The following DYRK1A variants were observed in gnomAD, a reference collection of about 807,000 sequenced individuals.
DYRK1A encodes dual specificity tyrosine phosphorylation regulated kinase 1A.
A neutral mutation model predicts 79.7 loss-of-function variants in DYRK1A; 9 were observed. That is an observed-to-expected ratio of 0.11 (90% CI 0.07 to 0.20). DYRK1A has a LOEUF of 0.20. Among genes scored for constraint, DYRK1A ranks in the 10% least tolerant of loss-of-function variants. The pLI, the probability that DYRK1A is intolerant of heterozygous loss-of-function variation, is 1.00. For missense variants in DYRK1A, 622 were observed against 956.0 expected (o/e 0.65, Z 4.61); for synonymous variants, 349 against 329.7 (o/e 1.06, Z -0.63).
chr21:37,439,783 A>G (rs1218626365), intron 2 of DYRK1A, among the ~76,000 whole-genome samples: 1 of 152,174 alleles, frequency 6.6e-6, no homozygotes, highest in Admixed American at 6.5e-5. Flanking sequence ...TTTCTAGTTA[A>G]TGAAAGTTTG....
chr21:37,398,078 T>C (rs867517780), intron 1 of DYRK1A, among the ~76,000 whole-genome samples: 5 of 102,286 alleles, frequency 4.9e-5, no homozygotes, highest in South Asian at 2.9e-4. Flanking sequence ...AAAAAAAAAA[T>C]ATATATATAT....
At chr21:37,402,831 C>T (rs755571935) in intron 1 of DYRK1A, among the ~76,000 whole-genome samples, 3 of 152,054 alleles carry the variant, frequency 2.0e-5, no homozygotes, top group Non-Finnish European at 4.4e-5. Flanking sequence ...GGTGCCATCT[C>T]GGCTCACTGC....
intron 1 of DYRK1A, among the ~76,000 whole-genome samples, chr21:37,383,518 A>T (rs889812464): frequency 6.6e-6 from 1 of 152,256 alleles, no homozygotes; most frequent in Non-Finnish European, 1.5e-5. Context: ...GATAATTCCA[A>T]GGAACTCTCC....
intron 1 of DYRK1A, among the ~76,000 whole-genome samples, chr21:37,406,759 A>ATATATCTC (rs1569297343): frequency 1.5e-5 from 2 of 133,198 alleles, no homozygotes; most frequent in Non-Finnish European, 3.1e-5. Flanking sequence ...CTATATATCT[A>ATATATCTC]TATATGTATA....
intron 1 of DYRK1A, among the ~76,000 whole-genome samples, chr21:37,396,044 C>T (rs2049954466): frequency 6.6e-6 from 1 of 152,290 alleles, no homozygotes; most frequent in South Asian, 2.1e-4. Context: ...GGGAGTGATT[C>T]CTGGCCCCAT....
chr21:37,443,470 G>T (rs535794825), intron 2 of DYRK1A, among the ~76,000 whole-genome samples: 1 of 152,172 alleles, frequency 6.6e-6, no homozygotes, highest in Non-Finnish European at 1.5e-5. Context: ...TTTTCACTTT[G>T]TCGGGTGCCG....
intron 4 of DYRK1A, among the ~76,000 whole-genome samples, chr21:37,479,918 C>T (rs1006829755): frequency 4.3e-4 from 66 of 151,990 alleles, no homozygotes; most frequent in Non-Finnish European, 6.6e-4. Flanking sequence ...TGAGCCACCG[C>T]GCCTGGCCCA....
In DYRK1A at chr21:37,496,170, T is replaced by C; in HGVS notation, c.1124T>C (p.Ile375Thr). The C allele has an allele frequency of 6.2e-7, 1 of 1,614,120 alleles. No individual in the cohort carries two copies. The highest frequency in any genetic ancestry group is 8.5e-7 in the Non-Finnish European group (1 of 1,179,988). ...VEVLGIPPAHILDQAPKARKF... is the reference protein window; with the variant it reads ...VEVLGIPPAHTLDQAPKARKF... ...GTTCTGGGTATTCCACCTGCTCATA[T>C]TCTTGACCAAGCACCAAAAGCAAGA... The change falls in exon 9 of 12, where the codon ATT (isoleucine) becomes ACT (threonine). Residue 375 changes from isoleucine (I) to threonine (T), a missense_variant. Physicochemically the swap from Ile to Thr is moderately conservative, Grantham distance 89. Coordinates refer to ENST00000647188, the MANE Select transcript of DYRK1A (RefSeq NM_001347721.2).
intron 1 of DYRK1A, among the ~76,000 whole-genome samples, chr21:37,368,734 C>G (rs2049369363): frequency 6.6e-6 from 1 of 152,126 alleles, no homozygotes; most frequent in Non-Finnish European, 1.5e-5. Flanking sequence ...GGTCATACAG[C>G]TGGGACTCCA....
intron 1 of DYRK1A, among the ~76,000 whole-genome samples, chr21:37,385,677 C>G (rs571680005): frequency 6.6e-6 from 1 of 152,306 alleles, no homozygotes; most frequent in Non-Finnish European, 1.5e-5. Context: ...CATCAAAGTT[C>G]TCTGAGCTTT....
chr21:37,505,053 C>A, intron 9 of DYRK1A: 1 of 499,302 alleles, frequency 2.0e-6, no homozygotes, highest in Non-Finnish European at 3.5e-6. Context: ...GTTTACTGAC[C>A]CCTGGGCTAA....
At chr21:37,406,803 TTA>T (rs563107686) in intron 1 of DYRK1A, among the ~76,000 whole-genome samples, 1 of 147,546 alleles carries the variant, frequency 6.8e-6, no homozygotes, top group Non-Finnish European at 1.5e-5. Flanking sequence ...ATGTATATAA[TTA>T]TATATATCTA....
At chr21:37,448,847 C>G (rs1012492617) in intron 2 of DYRK1A, among the ~76,000 whole-genome samples, 3 of 152,102 alleles carry the variant, frequency 2.0e-5, no homozygotes, top group Non-Finnish European at 4.4e-5. Flanking sequence ...TAGGCACATG[C>G]CACCATGCCT....
chr21:37,509,985 C>T (rs931146633), intron 11 of DYRK1A, among the ~76,000 whole-genome samples: 2 of 152,298 alleles, frequency 1.3e-5, no homozygotes, highest in African/African-American at 4.8e-5. Flanking sequence ...CATGTCCACA[C>T]AGTAGATAAG....
chr21:37,456,851 A>C (rs910896935), intron 2 of DYRK1A, among the ~76,000 whole-genome samples: 10 of 152,126 alleles, frequency 6.6e-5, no homozygotes, highest in African/African-American at 2.4e-4. Flanking sequence ...GTTGGCATAG[A>C]ATAAGAGTTC....
At position 37,367,497 on chromosome 21, in the gene DYRK1A, G is replaced by A. The variant is rs1455798797; in HGVS notation, c.-208G>A. Reference sequence around the variant, plus strand: ...TGAGCAGGCTGCGGCGCGGCCAGGAGCCGGAGCGCCGGGGGCGGAGAGAGG... The same window carrying A: ...TGAGCAGGCTGCGGCGCGGCCAGGAACCGGAGCGCCGGGGGCGGAGAGAGG... On this transcript the variant is annotated 5_prime_UTR_variant, in exon 1 of 12. Transcript: ENST00000647188. 6.7e-6 allele frequency: 1 copy of A among 148,722 alleles called. No homozygotes were observed. Among genetic ancestry groups the A allele is most frequent in the Non-Finnish European group, 1.5e-5 (1 of 66,742 alleles). The allele number at this position is 148,722 out of a possible 1,614,324, so 9.2% of individuals were successfully genotyped here.
chr21:37,496,067 G>GT, intron 8 of DYRK1A, 51 bp from the exon 9 acceptor site: 4 of 1,559,446 alleles, frequency 2.6e-6, no homozygotes, highest in Non-Finnish European at 3.5e-6. Flanking sequence ...ATGAGCAGGA[G>GT]TAGATGTACA....
intron 9 of DYRK1A, chr21:37,502,103 T>G (rs893538712): frequency 6.6e-6 from 1 of 152,064 alleles, no homozygotes; most frequent in Non-Finnish European, 1.5e-5. Context: ...ATGAAAGATA[T>G]GAAGAAAAAT....
intron 1 of DYRK1A, among the ~76,000 whole-genome samples, chr21:37,371,162 C>T (rs988403657): frequency 6.6e-6 from 1 of 152,154 alleles, no homozygotes; most frequent in Non-Finnish European, 1.5e-5. Context: ...GAAATCTTGC[C>T]TTATGTCAGT....
Sources: gnomAD v4.1 joint callset for allele counts (sites outside exome capture counted in the v4.1 genomes callset) on GRCh38, gnomAD v4.1.1 for gene constraint, MANE v1.5 for transcripts, NCBI Gene and HGNC (gene_info 2026-07-23, HGNC 2026-07-21) for gene names.